The following ZMIZ1 variants were observed in gnomAD, a reference collection of about 807,000 sequenced individuals.
The protein encoded by ZMIZ1 is zinc finger MIZ-type containing 1.
Under a neutral mutation model 113.9 loss-of-function variants are expected in ZMIZ1, and 17 were observed. That is an observed-to-expected ratio of 0.15 (90% CI 0.10 to 0.22). The LOEUF (loss-of-function observed/expected upper bound fraction) is 0.22. Ranked by LOEUF, ZMIZ1 falls within the 10% of genes least tolerant of loss-of-function variation. The pLI is 1.00. For missense variants in ZMIZ1, 1,059 were observed against 1,477.8 expected, an observed-to-expected ratio of 0.72 and a Z score of 4.65; for synonymous variants, 607 against 603.1, an observed-to-expected ratio of 1.01 and a Z score of -0.09.
intron 1 of ZMIZ1, among the ~76,000 whole-genome samples, chr10:79,075,919 C>T (rs12221177): frequency 0.14 from 21,979 of 152,126 alleles, 2,192 homozygotes; most frequent in East Asian, 0.31. Flanking sequence ...ATTCTCACTT[C>T]CCAATCCGCA....
chr10:79,294,368 G>C (rs1378842255), intron 12 of ZMIZ1: 1 of 152,606 alleles, frequency 6.6e-6, no homozygotes, highest in African/African-American at 2.4e-5. Context: ...TGCACAGCCA[G>C]CTCAGCCAAG....
chr10:79,097,420 C>A (rs900280681), intron 1 of ZMIZ1, among the ~76,000 whole-genome samples: 2 of 152,182 alleles, frequency 1.3e-5, no homozygotes, highest in East Asian at 3.8e-4. Flanking sequence ...CACCAGGGGT[C>A]CCCGGACAAG....
At chr10:79,155,286 GA>G (rs1322240281) in intron 3 of ZMIZ1, among the ~76,000 whole-genome samples, 1 of 152,220 alleles carries the variant, frequency 6.6e-6, no homozygotes, top group Admixed American at 6.5e-5. Flanking sequence ...TGATTGCTTG[GA>G]GGTGTTGGCT....
At chr10:79,243,559 C>T (rs1849994854) in intron 7 of ZMIZ1, 1 of 146,476 alleles carries the variant, frequency 6.8e-6, no homozygotes, top group African/African-American at 2.5e-5. Context: ...CGCCCGGGCC[C>T]CCGCGCCGCC....
At chr10:79,074,455 G>A (rs1402341929) in intron 1 of ZMIZ1, among the ~76,000 whole-genome samples, 2 of 152,176 alleles carry the variant, frequency 1.3e-5, no homozygotes, top group Non-Finnish European at 2.9e-5. Flanking sequence ...CTTTCTTTTG[G>A]CACAGTGTCT....
intron 2 of ZMIZ1, among the ~76,000 whole-genome samples, chr10:79,127,394 A>G (rs983426162): frequency 4.6e-5 from 7 of 152,162 alleles, no homozygotes; most frequent in African/African-American, 1.7e-4. Context: ...AAATTCCCCC[A>G]GCAGTTTGCA....
chr10:79,116,033 G>T (rs191308704), intron 1 of ZMIZ1, among the ~76,000 whole-genome samples: 1 of 152,192 alleles, frequency 6.6e-6, no homozygotes, highest in African/African-American at 2.4e-5. Flanking sequence ...AAGAGGGAAG[G>T]AGTGGTGCAC....
intron 7 of ZMIZ1, among the ~76,000 whole-genome samples, chr10:79,223,215 C>G (rs1447569714): frequency 6.6e-6 from 1 of 152,250 alleles, no homozygotes; most frequent in African/African-American, 2.4e-5. Context: ...CGCAGCTCTG[C>G]GTGAAAAACA....
intron 1 of ZMIZ1, among the ~76,000 whole-genome samples, chr10:79,078,719 A>ATTTTTTTTTTTTTTTTTTT (rs10673987): frequency 8.0e-6 from 1 of 125,082 alleles, no homozygotes; most frequent in African/African-American, 3.2e-5. Context: ...TAATTTTTGT[A>ATTTTTTTTTTTTTTTTTTT]TTTTTTTTTT....
At chr10:79,293,934 C>T in intron 12 of ZMIZ1, 1 of 548,864 alleles carries the variant, frequency 1.8e-6, no homozygotes, top group Non-Finnish European at 3.3e-6. Context: ...TGCCGCCACT[C>T]AGCAAGCAGC....
At chr10:79,191,696 C>G (rs371721673) in intron 4 of ZMIZ1, among the ~76,000 whole-genome samples, 4 of 152,224 alleles carry the variant, frequency 2.6e-5, no homozygotes, top group African/African-American at 4.8e-5. Context: ...TGAGGGAGGT[C>G]TGCCATATTC....
At chr10:79,242,991 GGGGGCGGGGTGCGGACGGCGAGGCTCGC>G in intron 7 of ZMIZ1, among the ~76,000 whole-genome samples, 1 of 151,798 alleles carries the variant, frequency 6.6e-6, no homozygotes, top group East Asian at 1.9e-4. Flanking sequence ...CGGCGGGCTG[GGGGGCGGGGTGCGGACGGCGAGGCTCGC>G]GGGGCGGGGA....
At chr10:79,104,728 G>A (rs756308440) in intron 1 of ZMIZ1, among the ~76,000 whole-genome samples, 20 of 152,204 alleles carry the variant, frequency 1.3e-4, no homozygotes, top group Admixed American at 3.9e-4. Context: ...TCTGGAGGCC[G>A]TGAACCTCAC....
intron 22 of ZMIZ1, 109 bp from the exon 23 acceptor site, chr10:79,307,296 C>T (rs1854773524): frequency 9.4e-6 from 11 of 1,166,222 alleles, no homozygotes; most frequent in Middle Eastern, 2.0e-4. Context: ...ACTACAGCCT[C>T]GCAAGAGGAA....
intron 8 of ZMIZ1, among the ~76,000 whole-genome samples, chr10:79,278,863 G>A (rs1457681192): frequency 6.6e-6 from 1 of 152,130 alleles, no homozygotes; most frequent in Non-Finnish European, 1.5e-5. Flanking sequence ...GTAACAATCT[G>A]ATCTCTCTTT....
rs753976525 is a variant in ZMIZ1, at chr10:79,298,397, T to C, written c.1492-9T>C. 9.3e-6 allele frequency: 15 copies of C among 1,605,662 alleles called. No homozygotes were observed. The African/African-American group carries it at 2.0e-4, about 22-fold the overall frequency. Reference sequence around the variant, plus strand: ...CCATAACTCGTGCGTGTCTTTTCTTTCCCTCCAGCCTCCCAGGCCGGTTCC... The same window carrying C: ...CCATAACTCGTGCGTGTCTTTTCTTCCCCTCCAGCCTCCCAGGCCGGTTCC... On this transcript the variant is annotated splice_polypyrimidine_tract_variant and intron_variant, in intron 14 of 24. Transcript: ENST00000334512.
Position 79,306,358 on chromosome 10 carries a change from G to A in ZMIZ1, c.2668+14G>A, listed in dbSNP as rs1193995740. Reference sequence around the variant, plus strand: ...ACAGCAGCCAAGGTGGGTGATGCCAGGCAGGGAGGAAGGGAGAAGGAGGGC... The same window carrying A: ...ACAGCAGCCAAGGTGGGTGATGCCAAGCAGGGAGGAAGGGAGAAGGAGGGC... On this transcript the variant is annotated intron_variant, in intron 22 of 24. Coordinates refer to ENST00000334512, the MANE Select transcript of ZMIZ1 (RefSeq NM_020338.4). The A allele has an allele frequency of 2.5e-6, 4 of 1,605,354 alleles. No individual in the cohort carries two copies. The highest frequency in any genetic ancestry group is 3.3e-5 in the Admixed American group (2 of 59,998).
At chr10:79,260,437 TGAG>T (rs921838184) in intron 7 of ZMIZ1, among the ~76,000 whole-genome samples, 18 of 152,120 alleles carry the variant, frequency 1.2e-4, no homozygotes, top group African/African-American at 4.1e-4. Context: ...TGCATGAGGA[TGAG>T]GGGGTGAGTG....
At chr10:79,252,651 C>T (rs1239446625) in intron 7 of ZMIZ1, among the ~76,000 whole-genome samples, 1 of 152,182 alleles carries the variant, frequency 6.6e-6, no homozygotes, top group East Asian at 1.9e-4. Flanking sequence ...TTCTGCAAAA[C>T]GGGGACACCC....
Sources: allele counts gnomAD v4.1 joint callset (sites outside exome capture counted in the v4.1 genomes callset), GRCh38; gene constraint gnomAD v4.1.1; transcripts MANE v1.5; gene names NCBI Gene and HGNC (gene_info 2026-07-23, HGNC 2026-07-21).